The following GUCY1A2 variants were observed in gnomAD, a reference collection of about 807,000 sequenced individuals.
GUCY1A2 encodes the protein guanylate cyclase 1 soluble subunit alpha 2, also known as guanylate cyclase soluble subunit alpha-2.
A neutral mutation model predicts 63.5 loss-of-function variants in GUCY1A2; 27 were observed. That is an observed-to-expected ratio of 0.43 (90% confidence interval 0.31 to 0.59). The LOEUF is 0.59. Ranked by LOEUF, GUCY1A2 falls within the 20% of genes least tolerant of loss-of-function variation. The pLI is 0.11. For synonymous variants in GUCY1A2, 364 were observed against 343.5 expected, an observed-to-expected ratio of 1.06 and a Z score of -0.66; for missense variants, 768 against 913.3, an observed-to-expected ratio of 0.84 and a Z score of 2.05.
chr11:106,868,629 A>G (rs1859628991), intron 4 of GUCY1A2, among the ~76,000 whole-genome samples: 2 of 152,288 alleles, frequency 1.3e-5, no homozygotes, highest in Non-Finnish European at 2.9e-5. Flanking sequence ...ATGGAAGAAC[A>G]TTCCATGCTC....
chr11:106,943,484 C>T (rs1860778062), intron 3 of GUCY1A2, among the ~76,000 whole-genome samples: 1 of 152,202 alleles, frequency 6.6e-6, no homozygotes. Flanking sequence ...TAAATGCTGG[C>T]ATCCTTTAGC....
chr11:106,802,079 C>A (rs1348762874), intron 5 of GUCY1A2, among the ~76,000 whole-genome samples: 1 of 152,120 alleles, frequency 6.6e-6, no homozygotes, highest in East Asian at 1.9e-4. Context: ...TACAGCATTT[C>A]TACTACATAA....
chr11:106,835,658 T>C (rs1434802950), intron 4 of GUCY1A2, among the ~76,000 whole-genome samples: 2 of 148,562 alleles, frequency 1.3e-5, no homozygotes, highest in Non-Finnish European at 3.0e-5. Context: ...AGCACAGAGA[T>C]CATAAAAGCA....
chr11:106,777,843 AAGAAACAAGTATT>A (rs1325455013), intron 5 of GUCY1A2, among the ~76,000 whole-genome samples: 1 of 152,120 alleles, frequency 6.6e-6, no homozygotes, highest in Non-Finnish European at 1.5e-5. Context: ...TAAAAAAAGG[AAGAAACAAGTATT>A]AGTGACATTT....
intron 4 of GUCY1A2, among the ~76,000 whole-genome samples, chr11:106,866,753 C>T (rs1297352807): frequency 2.6e-5 from 4 of 152,134 alleles, no homozygotes; most frequent in Non-Finnish European, 2.9e-5. Context: ...GTGTGTACCT[C>T]AGTGTCTTAG....
chr11:106,914,386 T>A (rs1304892346), intron 4 of GUCY1A2, among the ~76,000 whole-genome samples: 1 of 152,076 alleles, frequency 6.6e-6, no homozygotes, highest in Non-Finnish European at 1.5e-5. Context: ...AGCTACTGAA[T>A]TACTCTGATG....
chr11:106,944,234 A>AAAAAAAAC, intron 3 of GUCY1A2, among the ~76,000 whole-genome samples: 1 of 144,308 alleles, frequency 6.9e-6, no homozygotes, highest in African/African-American at 2.6e-5. Context: ...AAAAAAAAAA[A>AAAAAAAAC]AAGCAGGTGG....
At chr11:107,011,508 A>G (rs1435556977) in intron 1 of GUCY1A2, among the ~76,000 whole-genome samples, 2 of 147,488 alleles carry the variant, frequency 1.4e-5, no homozygotes, top group Non-Finnish European at 3.0e-5. Flanking sequence ...TCAGGACTAT[A>G]TAATATATAT....
At chr11:106,731,545 G>A (rs949008838) in intron 6 of GUCY1A2, among the ~76,000 whole-genome samples, 4 of 151,844 alleles carry the variant, frequency 2.6e-5, no homozygotes, top group African/African-American at 9.7e-5. Context: ...GGGTAATGAG[G>A]CAAGAGAAAG....
chr11:106,830,363 G>T (rs573319275), intron 4 of GUCY1A2, among the ~76,000 whole-genome samples: 1 of 152,232 alleles, frequency 6.6e-6, no homozygotes, highest in South Asian at 2.1e-4. Flanking sequence ...ACTTGTGATG[G>T]TTATTACTGA....
In GUCY1A2 at chr11:106,755,351, A is replaced by G. The variant is rs535045747; in HGVS notation, c.1836+21088T>C. On this transcript the variant is annotated intron_variant, in intron 6 of 7. Coordinates refer to ENST00000526355, the MANE Select transcript of GUCY1A2 (RefSeq NM_000855.3). ...TTTTTTTGTGTCTCTACCTCCTTCA[A>G]TTCTGCTCTCATCTTAGTTATTTCT... Among the ~76,000 whole-genome samples the G allele has an allele frequency of 4.6e-5, 7 of 151,706 alleles. No homozygotes were observed. In the South Asian group the frequency reaches 1.5e-3, roughly 32 times the overall value.
intron 6 of GUCY1A2, among the ~76,000 whole-genome samples, chr11:106,728,167 A>G (rs190452433): frequency 1.3e-5 from 2 of 152,284 alleles, no homozygotes; most frequent in East Asian, 1.9e-4. Context: ...GATTTTATAC[A>G]TGCTATTTCT....
rs984241108 is a variant in GUCY1A2 at position 107,008,177 on chromosome 11, G to C, written c.303+9576C>G. Among the ~76,000 whole-genome samples, 7 of 147,650 alleles carry C rather than the reference G, an allele frequency of 4.7e-5. 1 individual carries two copies. The highest frequency in any genetic ancestry group is 8.8e-5 in the Non-Finnish European group (6 of 67,970). ...GCCTGTAATTCCAACTACCCAGGAG[G>C]CTGAGGCAGGAGAATCGCTGGAACC... On this transcript the variant is annotated intron_variant, in intron 1 of 7. Transcript: ENST00000526355.
chr11:106,912,746 G>C (rs1860312912), intron 4 of GUCY1A2, among the ~76,000 whole-genome samples: 1 of 151,948 alleles, frequency 6.6e-6, no homozygotes, highest in Admixed American at 6.6e-5. Flanking sequence ...AACCTATAAA[G>C]AAAAAAGAAC....
At chr11:106,769,554 TA>T (rs1046702857) in intron 6 of GUCY1A2, among the ~76,000 whole-genome samples, 1 of 152,136 alleles carries the variant, frequency 6.6e-6, no homozygotes, top group Non-Finnish European at 1.5e-5. Flanking sequence ...AAATACTTTT[TA>T]AAAACAAACA....
chr11:106,866,127 T>A (rs1482724296), intron 4 of GUCY1A2, among the ~76,000 whole-genome samples: 2 of 151,948 alleles, frequency 1.3e-5, no homozygotes, highest in Non-Finnish European at 2.9e-5. Context: ...AAGAACTAGA[T>A]CAGGAACATC....
At chr11:106,979,974 G>C (rs544349925) in intron 2 of GUCY1A2, among the ~76,000 whole-genome samples, 4 of 152,340 alleles carry the variant, frequency 2.6e-5, no homozygotes, top group African/African-American at 9.6e-5. Flanking sequence ...GTTCCCTGCA[G>C]AAGTCCAGTT....
intron 4 of GUCY1A2, among the ~76,000 whole-genome samples, chr11:106,936,090 C>T (rs1268049205): frequency 1.3e-5 from 2 of 152,150 alleles, no homozygotes; most frequent in Non-Finnish European, 2.9e-5. Context: ...CCTTACCTGG[C>T]AGAGAAGGAA....
intron 4 of GUCY1A2, among the ~76,000 whole-genome samples, chr11:106,888,359 G>A (rs1047579369): frequency 7.9e-5 from 12 of 151,866 alleles, no homozygotes; most frequent in African/African-American, 2.9e-4. Context: ...CAGCTACTCA[G>A]GAGGCTGAGG....
Sources: gnomAD v4.1 joint callset for allele counts (sites outside exome capture counted in the v4.1 genomes callset) on GRCh38, gnomAD v4.1.1 for gene constraint, MANE v1.5 for transcripts, NCBI Gene and HGNC (gene_info 2026-07-23, HGNC 2026-07-21) for gene names.